AKAP7: variants seen among roughly 807,000 people sequenced by gnomAD.
AKAP7 encodes A-kinase anchoring protein 7, also known as A kinase (PRKA) anchor protein 7.
A neutral mutation model predicts 39.5 loss-of-function variants in AKAP7; 39 were observed. The ratio of observed to expected loss-of-function variants is 0.99; its 90% CI spans 0.76 to 1.29. The LOEUF is 1.29. Among genes scored for constraint, AKAP7 ranks in the 50% most tolerant of loss-of-function variants. The pLI, the probability that AKAP7 is intolerant of heterozygous loss-of-function variation, is 0.00. For missense variants in AKAP7, 414 were observed against 407.7 expected, an observed-to-expected ratio of 1.02 and a Z score of -0.13; for synonymous variants, 140 against 139.1, an observed-to-expected ratio of 1.01 and a Z score of -0.05.
chr6:131,164,202 A>T (rs1215139530), intron 3 of AKAP7: 6 of 312,268 alleles, frequency 1.9e-5, no homozygotes, highest in African/African-American at 4.4e-5. Flanking sequence ...CTTTTTTTCT[A>T]TTGTGCTGCC....
At chr6:131,265,523 C>T (rs1459903135) in intron 7 of AKAP7, among the ~76,000 whole-genome samples, 1 of 152,202 alleles carries the variant, frequency 6.6e-6, no homozygotes, top group Non-Finnish European at 1.5e-5. Flanking sequence ...GAGCAACTTT[C>T]ACAGGGATAC....
intron 7 of AKAP7, among the ~76,000 whole-genome samples, chr6:131,256,736 A>ATTATTATTATTATTATT: frequency 6.7e-6 from 1 of 148,732 alleles, no homozygotes; most frequent in South Asian, 2.1e-4. Flanking sequence ...TATTATTATT[A>ATTATTATTATTATTATT]AAGAGATGGC....
chr6:131,137,137 A>ATT (rs113626298), intron 1 of AKAP7, among the ~76,000 whole-genome samples: 328 of 145,050 alleles, frequency 2.3e-3, no homozygotes, highest in Non-Finnish European at 2.4e-3. Flanking sequence ...TAATTTTTGT[A>ATT]TTTTTTTTTT....
chr6:131,256,653 G>A lies in AKAP7; in HGVS notation c.851-24877G>A, dbSNP rs146615670. Among the ~76,000 whole-genome samples, 152 of 152,024 alleles carry A rather than the reference G, an allele frequency of 1.0e-3. 1 individual carries two copies. The highest frequency in any genetic ancestry group is 2.9e-3 in the African/African-American group (121 of 41,472). The stretch of plus-strand genomic sequence containing the variant: ...AGAAGCAGCAGGACTCTGATATACC[G>A]AAAGCTTTTGGCTAATAAAAGAAAG... On this transcript the variant is annotated intron_variant, in intron 7 of 7. Coordinates refer to ENST00000431975, the MANE Select transcript of AKAP7 (RefSeq NM_016377.4).
At chr6:131,127,428 C>T in the AKAP7 span, among the ~76,000 whole-genome samples, 1 of 151,898 alleles carries the variant, frequency 6.6e-6, no homozygotes, top group African/African-American at 2.4e-5. Flanking sequence ...TCATAAGATA[C>T]AACCAAATAA....
chr6:131,184,592 GC>G, intron 5 of AKAP7: 1 of 733,586 alleles, frequency 1.4e-6, no homozygotes, highest in Non-Finnish European at 2.5e-6. Flanking sequence ...CAAGATGGAT[GC>G]CCTGAGCAGC....
chr6:131,233,011 T>C (rs1562232176), intron 7 of AKAP7, among the ~76,000 whole-genome samples: 1 of 151,712 alleles, frequency 6.6e-6, no homozygotes. Context: ...AAAGTAAAGA[T>C]GCTTATATGT....
chr6:131,264,710 A>G (rs1178805503), intron 7 of AKAP7, among the ~76,000 whole-genome samples: 1 of 152,176 alleles, frequency 6.6e-6, no homozygotes, highest in Admixed American at 6.5e-5. Context: ...TGGGTAATTT[A>G]TAAAGAAAAG....
rs1314548317 is a variant in AKAP7, at chr6:131,184,622, C to A, written c.590-14839C>A. 6 of 750,960 alleles carry A rather than the reference C, an allele frequency of 8.0e-6. No homozygotes were observed. In the African/African-American group the frequency reaches 1.0e-4, roughly 13 times the overall value. 46.5% of individuals were successfully genotyped at this position (750,960 alleles called of 1,614,324 possible). On this transcript the variant is annotated intron_variant, in intron 5 of 7. Transcript: ENST00000431975. ...GAGCAGCCACAGTCGAAACAGGACA[C>A]CACCTCCTCAGGTTGTCCCATCTTC...
At position 131,283,046 on chromosome 6, in the gene AKAP7, T is replaced by C. The variant is rs1483994527; in HGVS notation, c.*1320T>C. 1 of 154,108 alleles carries C rather than the reference T, an allele frequency of 6.5e-6. No individual in the cohort carries two copies. The highest frequency in any genetic ancestry group is 1.4e-5 in the Non-Finnish European group (1 of 69,052). 9.5% of individuals were successfully genotyped at this position (154,108 alleles called of 1,614,324 possible). A position where few individuals can be genotyped will look rare whatever the true frequency, so the allele number is the denominator to read the frequency against. On this transcript the variant is annotated 3_prime_UTR_variant, in exon 8 of 8. Transcript: ENST00000431975. The stretch of plus-strand genomic sequence containing the variant: ...CATCTAGTGTTACTTTTAATGAGAA[T>C]TTGAATGTTTATTGAACAATAGTAC...
chr6:131,254,423 A>G (rs1018255601), intron 7 of AKAP7, among the ~76,000 whole-genome samples: 1 of 152,268 alleles, frequency 6.6e-6, no homozygotes, highest in African/African-American at 2.4e-5. Context: ...GCAGAGGCAT[A>G]TGGACCACTC....
Position 131,282,359 on chromosome 6 carries a change from A to G in AKAP7, c.*633A>G. 1 of 1,421,442 alleles carries G rather than the reference A, an allele frequency of 7.0e-7. No individual in the cohort carries two copies. The highest frequency in any genetic ancestry group is 1.6e-5 in the South Asian group (1 of 63,196). 88.1% of individuals were successfully genotyped at this position (1,421,442 alleles called of 1,614,324 possible). On this transcript the variant is annotated 3_prime_UTR_variant, in exon 8 of 8. Coordinates refer to ENST00000431975, the MANE Select transcript of AKAP7 (RefSeq NM_016377.4). ...TCCTATTTTGATAAGTCAGTATGCCATATTTAATGAAATGTTATTATATAA... is the reference window on the plus strand; with the variant it reads ...TCCTATTTTGATAAGTCAGTATGCCGTATTTAATGAAATGTTATTATATAA...
chr6:131,127,949 C>T, the AKAP7 span, among the ~76,000 whole-genome samples: 5 of 152,180 alleles, frequency 3.3e-5, no homozygotes, highest in African/African-American at 1.2e-4. Context: ...ACTGCATGTT[C>T]TCACTTGTAA....
intron 7 of AKAP7, among the ~76,000 whole-genome samples, chr6:131,249,200 T>C (rs1812253314): frequency 6.6e-6 from 1 of 152,196 alleles, no homozygotes; most frequent in African/African-American, 2.4e-5. Context: ...AAAGTGCATA[T>C]TAATGTACCT....
chr6:131,195,616 A>G (rs1402656504), intron 5 of AKAP7, among the ~76,000 whole-genome samples: 1 of 152,086 alleles, frequency 6.6e-6, no homozygotes, highest in Non-Finnish European at 1.5e-5. Context: ...AGCATTTCTT[A>G]TAGAACAGGT....
At chr6:131,210,951 C>T (rs574919124) in intron 6 of AKAP7, among the ~76,000 whole-genome samples, 29 of 152,318 alleles carry the variant, frequency 1.9e-4, no homozygotes, top group African/African-American at 6.5e-4. Context: ...CCAAATATCT[C>T]TAGAATTTAA....
At chr6:131,133,837 T>C (rs1055420152), upstream of AKAP7, among the ~76,000 whole-genome samples, 2 of 152,108 alleles carry the variant, frequency 1.3e-5, no homozygotes, top group African/African-American at 4.8e-5. Flanking sequence ...GATGATAAAG[T>C]GTGGAGAGGC....
At chr6:131,181,183 G>T (rs1363473689) in intron 5 of AKAP7, among the ~76,000 whole-genome samples, 4 of 152,058 alleles carry the variant, frequency 2.6e-5, no homozygotes, top group African/African-American at 9.7e-5. Flanking sequence ...TGATCTGCCT[G>T]CCTCGGCCTC....
Position 131,282,749 on chromosome 6 carries a change from A to G in AKAP7, c.*1023A>G. ...GTGAGGAATTAGCAATTTCTTGCCAAAGAAAATTGATTCTGCCCAATTATT... is the reference window on the plus strand; with the variant it reads ...GTGAGGAATTAGCAATTTCTTGCCAGAGAAAATTGATTCTGCCCAATTATT... On this transcript the variant is annotated 3_prime_UTR_variant, in exon 8 of 8. Coordinates refer to ENST00000431975, the MANE Select transcript of AKAP7 (RefSeq NM_016377.4). 1.7e-6 allele frequency: 1 copy of G among 575,852 alleles called. No homozygotes were observed. Among genetic ancestry groups the G allele is most frequent in the South Asian group, 4.1e-5 (1 of 24,100 alleles). The allele number at this position is 575,852 out of a possible 1,614,324, so 35.7% of individuals were successfully genotyped here.
Sources: allele counts gnomAD v4.1 joint callset (sites outside exome capture counted in the v4.1 genomes callset), GRCh38; gene constraint gnomAD v4.1.1; transcripts MANE v1.5; gene names NCBI Gene and HGNC (gene_info 2026-07-23, HGNC 2026-07-21).